Variants in SIPA1L2 observed in about 807,000 individuals in gnomAD.
SIPA1L2 encodes the protein signal induced proliferation associated 1 like 2.
In SIPA1L2, 56 loss-of-function variants were observed where a neutral mutation model predicts 163.9. The observed-to-expected ratio is 0.34, with a 90% confidence interval of 0.28 to 0.43. The LOEUF (loss-of-function observed/expected upper bound fraction) is 0.43, where lower values mean the gene tolerates loss of function less well. Among genes scored for constraint, SIPA1L2 ranks in the 20% least tolerant of loss-of-function variants. The probability of loss-of-function intolerance (pLI) is 1.00; values close to 1 mark genes in which losing one functional copy is unlikely to be tolerated. For synonymous variants in SIPA1L2, 877 were observed against 865.7 expected, an observed-to-expected ratio of 1.01 and a Z score of -0.23; for missense variants, 1,974 against 2,193.5, an observed-to-expected ratio of 0.90 and a Z score of 2.00.
chr1:232,620,242 T>C (rs1662733291), intron 1 of SIPA1L2, among the ~76,000 whole-genome samples: 1 of 152,170 alleles, frequency 6.6e-6, no homozygotes, highest in Admixed American at 6.5e-5. Flanking sequence ...AGGAAGAAGA[T>C]AAAAGTTCAC....
intron 1 of SIPA1L2, among the ~76,000 whole-genome samples, chr1:232,587,741 G>A (rs1015687455): frequency 6.6e-6 from 1 of 152,160 alleles, no homozygotes; most frequent in Non-Finnish European, 1.5e-5. Flanking sequence ...ATCTCGAACT[G>A]TAGCTCCCAT....
intron 2 of SIPA1L2, among the ~76,000 whole-genome samples, chr1:232,557,885 C>A (rs765899363): frequency 6.6e-6 from 1 of 152,224 alleles, no homozygotes; most frequent in Admixed American, 6.5e-5. Context: ...CCTGTACCAG[C>A]ATGACACTGA....
chr1:232,454,926 G>A (rs1663807179), intron 10 of SIPA1L2, among the ~76,000 whole-genome samples: 1 of 152,174 alleles, frequency 6.6e-6, no homozygotes, highest in Non-Finnish European at 1.5e-5. Flanking sequence ...AGACTAAAAG[G>A]AGTCCTTGAA....
chr1:232,564,042 A>C (rs545401610), intron 2 of SIPA1L2, among the ~76,000 whole-genome samples: 1 of 117,262 alleles, frequency 8.5e-6, no homozygotes, highest in South Asian at 2.6e-4. Flanking sequence ...CAATGGTGTG[A>C]TCTTGGCTCG....
intron 10 of SIPA1L2, among the ~76,000 whole-genome samples, chr1:232,455,265 C>T (rs1663826250): frequency 1.3e-5 from 2 of 152,182 alleles, no homozygotes; most frequent in African/African-American, 4.8e-5. Context: ...ATTATCCATA[C>T]AAATAAGTTG....
At chr1:232,528,824 C>A (rs926834013) in intron 2 of SIPA1L2, among the ~76,000 whole-genome samples, 6 of 152,208 alleles carry the variant, frequency 3.9e-5, no homozygotes, top group South Asian at 2.1e-4. Flanking sequence ...CAAAACTTCA[C>A]AACACCACTC....
chr1:232,530,575 C>T (rs984718386), intron 2 of SIPA1L2, among the ~76,000 whole-genome samples: 13 of 151,486 alleles, frequency 8.6e-5, no homozygotes, highest in African/African-American at 1.9e-4. Flanking sequence ...TACTCCTTTT[C>T]GCTAAAAAAA....
At chr1:232,519,041 G>T (rs1296152123) in intron 2 of SIPA1L2, among the ~76,000 whole-genome samples, 1 of 151,942 alleles carries the variant, frequency 6.6e-6, no homozygotes, top group Non-Finnish European at 1.5e-5. Context: ...ACCTATGAAT[G>T]GTTGTTAACA....
chr1:232,402,199 A>C (rs1265514785), intron 22 of SIPA1L2, among the ~76,000 whole-genome samples, 193 bp downstream of exon 22: 1 of 152,238 alleles, frequency 6.6e-6, no homozygotes, highest in African/African-American at 2.4e-5. Context: ...AGATCCCTGC[A>C]TCCCACAAAA....
chr1:232,459,226 T>A (rs985175426), intron 10 of SIPA1L2, among the ~76,000 whole-genome samples: 1 of 152,228 alleles, frequency 6.6e-6, no homozygotes, highest in Non-Finnish European at 1.5e-5. Flanking sequence ...CAATTAAATG[T>A]AAATTAATTA....
rs747823093 is a variant in SIPA1L2, at chr1:232,514,077, G to A, written c.1263C>T (p.Asp421=). Residue 421 remains aspartate (D), a synonymous_variant, in exon 3 of 23, where the codon GAC becomes GAT. Coordinates refer to ENST00000674635, the MANE Select transcript of SIPA1L2 (RefSeq NM_020808.5). The part of the protein sequence containing the change: ...YFRNETGGEG[D]RRIALSRANS... ...TGGCTCGAGAGAGCGCAATCCGCCT[G>A]TCGCCTTCCCCTCCAGTCTCATTTC... 1 of 1,614,216 alleles carries A rather than the reference G, an allele frequency of 6.2e-7. No individual in the cohort carries two copies. The highest frequency in any genetic ancestry group is 8.5e-7 in the Non-Finnish European group (1 of 1,180,038).
intron 1 of SIPA1L2, among the ~76,000 whole-genome samples, chr1:232,588,392 C>G (rs1349725820): frequency 6.6e-6 from 1 of 152,148 alleles, no homozygotes; most frequent in East Asian, 1.9e-4. Context: ...CTTGAATAAC[C>G]ACTGTGATCT....
chr1:232,501,814 A>G (rs1370844958), intron 3 of SIPA1L2, among the ~76,000 whole-genome samples: 1 of 151,980 alleles, frequency 6.6e-6, no homozygotes, highest in Non-Finnish European at 1.5e-5. Flanking sequence ...GATGGCCTCT[A>G]CCCTCTTCCC....
intron 10 of SIPA1L2, among the ~76,000 whole-genome samples, chr1:232,456,048 C>T (rs564212726): frequency 1.0e-3 from 159 of 152,144 alleles, no homozygotes; most frequent in Non-Finnish European, 1.9e-3. Context: ...CAAACCCCCA[C>T]GACACGTAAT....
At chr1:232,615,234 T>G (rs1573178916) in intron 1 of SIPA1L2, among the ~76,000 whole-genome samples, 1 of 152,216 alleles carries the variant, frequency 6.6e-6, no homozygotes, top group East Asian at 1.9e-4. Context: ...CCCTTGAGCT[T>G]GGACACAGGC....
intron 4 of SIPA1L2, among the ~76,000 whole-genome samples, chr1:232,492,040 G>A (rs114324175): frequency 9.3e-4 from 142 of 152,188 alleles, no homozygotes; most frequent in East Asian, 5.6e-3. Flanking sequence ...GCCACCTGTG[G>A]CTAGTGACTA....
At position 232,517,578 on chromosome 1, in the gene SIPA1L2, G is replaced by A. The variant is rs988977546; in HGVS notation, c.-269-1970C>T. 6.1e-4 allele frequency among the ~76,000 whole-genome samples: 93 copies of A among 152,204 alleles called. 1 individual carries two copies. The highest frequency in any genetic ancestry group is 2.2e-3 in the African/African-American group (91 of 41,460). ...TAATTAGTCCTGGAAAACCTGACTA[G>A]CTATTATAATTTACTGGGCTCAGAT... On this transcript the variant is annotated intron_variant, in intron 2 of 22. Transcript: ENST00000674635.
intron 17 of SIPA1L2, among the ~76,000 whole-genome samples, chr1:232,426,576 CATGAACCTG>C (rs1661917907): frequency 1.3e-5 from 2 of 152,134 alleles, no homozygotes; most frequent in Admixed American, 1.3e-4. Context: ...AGGAGAATGG[CATGAACCTG>C]GGAGGCGGAG....
intron 1 of SIPA1L2, among the ~76,000 whole-genome samples, chr1:232,623,065 G>A (rs1662901004): frequency 6.6e-6 from 1 of 152,156 alleles, no homozygotes; most frequent in South Asian, 2.1e-4. Flanking sequence ...GATGGGTGGG[G>A]GTGGATGGTG....
Sources: allele counts gnomAD v4.1 joint callset (sites outside exome capture counted in the v4.1 genomes callset), GRCh38; gene constraint gnomAD v4.1.1; transcripts MANE v1.5; gene names NCBI Gene and HGNC (gene_info 2026-07-23, HGNC 2026-07-21).